Variants in ARHGAP11B observed in about 807,000 individuals in gnomAD.
The protein encoded by ARHGAP11B is Rho GTPase activating protein 11B, also known as inactive Rho GTPase-activating protein 11B.
Under a neutral mutation model 27.6 loss-of-function variants are expected in ARHGAP11B, and 14 were observed. That is an observed-to-expected ratio of 0.51 (90% CI 0.34 to 0.79). ARHGAP11B has a LOEUF of 0.79. Among genes scored for constraint, ARHGAP11B ranks in the 30% least tolerant of loss-of-function variants. The pLI is 0.02. For missense variants in ARHGAP11B, 245 were observed against 320.1 expected (o/e 0.77, Z 1.79); for synonymous variants, 82 against 114.1 (o/e 0.72, Z 1.80).
At chr15:30,633,512 T>C (rs1228413934) in exon 3 of ARHGAP11B, 5 of 1,612,878 alleles carry the variant, frequency 3.1e-6, no homozygotes, top group Non-Finnish European at 8.5e-7. Context: ...TGCTTGCACA[T>C]CTTTAGAAGA....
chr15:30,631,285 A>G lies in ARHGAP11B; in HGVS notation c.200+512A>G, dbSNP rs145364631. Among the ~76,000 whole-genome samples the G allele has an allele frequency of 2.7e-3, 416 of 151,938 alleles. 10 individuals are homozygous for G. In the East Asian group the frequency reaches 0.067, roughly 25 times the overall value. On this transcript the variant is annotated intron_variant, in intron 2 of 10. Coordinates refer to ENST00000428041, the Ensembl canonical transcript of ARHGAP11B. ...TTCTGTTAAGTCAGTTTTCAGTTCTATGTGAATTCTTTTGCCACAACTCAG... is the reference window on the plus strand; with the variant it reads ...TTCTGTTAAGTCAGTTTTCAGTTCTGTGTGAATTCTTTTGCCACAACTCAG...
Position 30,634,458 on chromosome 15 carries a change from T to G in ARHGAP11B, c.551+35T>G, listed in dbSNP as rs745983464. On this transcript the variant is annotated intron_variant, in intron 4 of 10. Coordinates refer to ENST00000428041, the Ensembl canonical transcript of ARHGAP11B. ...AATTAAAACTCTTGGCAAATAATAG[T>G]TGAATTTTTCAACTAACGTTTTATG... 1.5e-5 allele frequency: 24 copies of G among 1,587,014 alleles called. 1 individual carries two copies. The East Asian group carries it at 5.2e-4, about 34-fold the overall frequency.
rs796664136 is a variant in ARHGAP11B at position 30,643,280 on chromosome 15, CT to C, written c.*79-1343del. Among the ~76,000 whole-genome samples the C allele has an allele frequency of 4.6e-3, 620 of 133,916 alleles. 2 individuals are homozygous for C. The highest frequency in any genetic ancestry group is 0.013 in the African/African-American group (488 of 36,436). 87.9% of individuals were successfully genotyped at this position (133,916 alleles called of 152,430 possible). A position where few individuals can be genotyped will look rare whatever the true frequency, so the allele number is the denominator to read the frequency against. On this transcript the variant is annotated intron_variant, in intron 7 of 10. Coordinates refer to ENST00000428041, the Ensembl canonical transcript of ARHGAP11B. Reference sequence around the variant, plus strand: ...TGCCTTTCATGACCTTGACAGTTTTCTTTTTTTTTTTTTTTTGAGATGAAGT... The same window carrying C: ...TGCCTTTCATGACCTTGACAGTTTTCTTTTTTTTTTTTTTTGAGATGAAGT...
intron 7 of ARHGAP11B, among the ~76,000 whole-genome samples, chr15:30,640,734 T>A (rs560332317): frequency 1.2e-4 from 18 of 152,000 alleles, no homozygotes; most frequent in Non-Finnish European, 2.2e-4. Flanking sequence ...TTTGTTTTAT[T>A]GAGAAGTTGA....
intron 7 of ARHGAP11B, among the ~76,000 whole-genome samples, chr15:30,640,031 A>C (rs1470616471): frequency 6.7e-6 from 1 of 148,884 alleles, no homozygotes; most frequent in East Asian, 2.0e-4. Flanking sequence ...ACATCTATTG[A>C]AAGTTGTGAT....
intron 6 of ARHGAP11B, among the ~76,000 whole-genome samples, chr15:30,638,115 C>G (rs1196714306): frequency 6.8e-6 from 1 of 147,378 alleles, no homozygotes; most frequent in Non-Finnish European, 1.5e-5. Context: ...CCACTGGCAC[C>G]TGGCCAAGGC....
exon 1 of ARHGAP11B, chr15:30,626,622 G>C (rs1287903523): frequency 1.5e-6 from 1 of 665,634 alleles, no homozygotes. Context: ...TAAGAGAAGC[G>C]GGTCTGTGTA....
intron 6 of ARHGAP11B, among the ~76,000 whole-genome samples, chr15:30,636,338 A>G (rs1291070402): frequency 6.6e-6 from 1 of 152,014 alleles, no homozygotes; most frequent in Non-Finnish European, 1.5e-5. Flanking sequence ...TGAAGGAAAT[A>G]TTATCAAGGA....
rs188431375 is a variant in ARHGAP11B at position 30,630,848 on chromosome 15, G to A, written c.200+75G>A. Reference sequence around the variant, plus strand: ...TAACCCCAGCATTTTGAGAGGCCGAGGTGGGCAGATCACTTGAGTCCGGGA... The same window carrying A: ...TAACCCCAGCATTTTGAGAGGCCGAAGTGGGCAGATCACTTGAGTCCGGGA... On this transcript the variant is annotated intron_variant, in intron 2 of 10. Coordinates refer to ENST00000428041, the Ensembl canonical transcript of ARHGAP11B. The A allele has an allele frequency of 2.7e-5, 44 of 1,608,740 alleles. No individual in the cohort carries two copies. The East Asian group carries it at 9.2e-4, about 34-fold the overall frequency.
chr15:30,635,444 A>G (rs1009288471), intron 5 of ARHGAP11B, 43 bp from the exon 6 acceptor site: 1 of 1,593,470 alleles, frequency 6.3e-7, no homozygotes, highest in Non-Finnish European at 8.5e-7. Flanking sequence ...GGAAGAGTGG[A>G]GGAAGGATAA....
intron 2 of ARHGAP11B, among the ~76,000 whole-genome samples, chr15:30,632,563 A>G (rs1316184467): frequency 6.6e-6 from 1 of 151,636 alleles, no homozygotes; most frequent in Non-Finnish European, 1.5e-5. Context: ...ACCTTCTGTA[A>G]ATAAGGCTGA....
chr15:30,633,499 C>T (rs377364341), exon 3 of ARHGAP11B: 29 of 1,609,284 alleles, frequency 1.8e-5, no homozygotes, highest in African/African-American at 2.7e-5. Flanking sequence ...GCTTTCTTGT[C>T]GATGCTTGCA....
intron 1 of ARHGAP11B, among the ~76,000 whole-genome samples, chr15:30,629,339 C>T (rs1185833159): frequency 2.0e-5 from 3 of 150,610 alleles, no homozygotes; most frequent in Non-Finnish European, 4.4e-5. Context: ...GTCAGGAGAT[C>T]GAGACCATCC....
At chr15:30,629,456 A>T (rs886203785) in intron 1 of ARHGAP11B, among the ~76,000 whole-genome samples, 1 of 152,024 alleles carries the variant, frequency 6.6e-6, no homozygotes, top group African/African-American at 2.4e-5. Flanking sequence ...CGGGAAGCTG[A>T]GGCAGGAGAA....
intron 3 of ARHGAP11B, among the ~76,000 whole-genome samples, chr15:30,633,835 G>A (rs926034876): frequency 1.3e-5 from 2 of 151,586 alleles, no homozygotes; most frequent in Non-Finnish European, 2.9e-5. Flanking sequence ...ATGAAAAAAT[G>A]TGTTAAGTTA....
At chr15:30,627,932 G>A (rs1241014622) in intron 1 of ARHGAP11B, among the ~76,000 whole-genome samples, 1 of 151,766 alleles carries the variant, frequency 6.6e-6, no homozygotes, top group Non-Finnish European at 1.5e-5. Context: ...CAAATTAATG[G>A]CAATACATGT....
intron 6 of ARHGAP11B, among the ~76,000 whole-genome samples, chr15:30,637,456 C>T (rs548870723): frequency 2.4e-4 from 36 of 152,178 alleles, no homozygotes; most frequent in African/African-American, 8.4e-4. Context: ...TCTTCTTGGC[C>T]GGGTGCGATG....
intron 9 of ARHGAP11B, among the ~76,000 whole-genome samples, chr15:30,647,169 AC>A (rs1411103113): frequency 6.6e-6 from 1 of 151,764 alleles, no homozygotes; most frequent in Non-Finnish European, 1.5e-5. Flanking sequence ...TGGGAATATT[AC>A]GTTTTGGACA....
chr15:30,640,623 G>A (rs1454910055), intron 7 of ARHGAP11B, among the ~76,000 whole-genome samples: 1 of 151,916 alleles, frequency 6.6e-6, no homozygotes, highest in Non-Finnish European at 1.5e-5. Flanking sequence ...TATTTTGTTG[G>A]TTTCAGACAA....
Sources: gnomAD v4.1 joint callset for allele counts (sites outside exome capture counted in the v4.1 genomes callset) on GRCh38, gnomAD v4.1.1 for gene constraint, MANE v1.5 for transcripts, NCBI Gene and HGNC (gene_info 2026-07-23, HGNC 2026-07-21) for gene names.